GDAP1L1: variants seen among roughly 807,000 people sequenced by gnomAD.
GDAP1L1 encodes ganglioside induced differentiation associated protein 1 like 1.
GDAP1L1 carries 21 observed loss-of-function variants against 37.1 expected under a neutral mutation model. That is an observed-to-expected ratio of 0.57 (90% CI 0.40 to 0.81). The LOEUF is 0.81. Ranked by LOEUF, GDAP1L1 falls within the 40% of genes least tolerant of loss-of-function variation. The pLI is 0.00. For missense variants in GDAP1L1, 362 were observed against 491.6 expected, an observed-to-expected ratio of 0.74 and a Z score of 2.49; for synonymous variants, 193 against 209.1, an observed-to-expected ratio of 0.92 and a Z score of 0.67.
chr20:44,258,381 C>T, intron 2 of GDAP1L1, 53 bp from the exon 3 acceptor site: 1 of 1,523,446 alleles, frequency 6.6e-7, no homozygotes, highest in Non-Finnish European at 8.9e-7. Flanking sequence ...GGGCAGGTGG[C>T]CGGGGCAGGT....
intron 5 of GDAP1L1, among the ~76,000 whole-genome samples, chr20:44,277,143 G>C (rs577242350): frequency 1.3e-5 from 2 of 152,322 alleles, no homozygotes; most frequent in Middle Eastern, 6.8e-3. Flanking sequence ...TCGTGCCTCA[G>C]CCTCCTGAGA....
Position 44,247,430 on chromosome 20 carries a change from C to T in GDAP1L1, c.96C>T (p.Asp32=), listed in dbSNP as rs892884979. 1 of 1,610,074 alleles carries T rather than the reference C, an allele frequency of 6.2e-7. No individual in the cohort carries two copies. The highest frequency in any genetic ancestry group is 8.5e-7 in the Non-Finnish European group (1 of 1,178,768). ...CGGCCAAGCCAGCGGAGGCCCCCGA[C>T]GCTCCCGAGGCGGCCAGCCCCGCCC... ...SDAAKPAEAP[D]APEAASPAHW... is the part of the protein sequence containing the mutation. Residue 32 remains aspartate (D), a synonymous_variant, in exon 1 of 6, where the codon GAC becomes GAT. Coordinates refer to ENST00000342560, the MANE Select transcript of GDAP1L1 (RefSeq NM_024034.6).
At chr20:44,247,623 G>A in intron 1 of GDAP1L1, 109 bp downstream of exon 1, 2 of 1,055,136 alleles carry the variant, frequency 1.9e-6, no homozygotes, top group South Asian at 3.5e-5. Flanking sequence ...GGGGAACCTG[G>A]GGTTTGGGGG....
rs529795834 is a variant in GDAP1L1, at chr20:44,269,416, G to C, written c.760+4857G>C. ...TTTGCAGTCTCCATGGGGCTGAGTT[G>C]TTCCGGTTTTATATTTGAGAGAATT... On this transcript the variant is annotated intron_variant, in intron 5 of 5. Coordinates refer to ENST00000342560, the MANE Select transcript of GDAP1L1 (RefSeq NM_024034.6). Among the ~76,000 whole-genome samples, 24 of 152,306 alleles carry C rather than the reference G, an allele frequency of 1.6e-4. 1 individual carries two copies. Among genetic ancestry groups the C allele is most frequent in the African/African-American group, 5.8e-4 (24 of 41,566 alleles).
intron 2 of GDAP1L1, among the ~76,000 whole-genome samples, chr20:44,257,901 C>T (rs2073591943): frequency 6.6e-6 from 1 of 151,980 alleles, no homozygotes; most frequent in Admixed American, 6.6e-5. Flanking sequence ...CCCAGAACCC[C>T]ATGGACAGGG....
In GDAP1L1 at chr20:44,276,168, C is replaced by CA. The variant is rs58388010; in HGVS notation, c.761-2774dup. On this transcript the variant is annotated intron_variant, in intron 5 of 5. Coordinates refer to ENST00000342560, the MANE Select transcript of GDAP1L1 (RefSeq NM_024034.6). ...AAAACCCCATCTCTAGTAAAAATAC[C>CA]AAAAAAAAAAAAAAATAATAGCCAG... 6.7e-3 allele frequency among the ~76,000 whole-genome samples: 926 copies of CA among 137,642 alleles called. 5 individuals are homozygous for CA. Among genetic ancestry groups the CA allele is most frequent in the African/African-American group, 0.018 (689 of 37,644 alleles). 90.3% of individuals were successfully genotyped at this position (137,642 alleles called of 152,430 possible).
At position 44,247,507 on chromosome 20, in the gene GDAP1L1, C is replaced by G. The variant is rs781177575; in HGVS notation, c.173C>G (p.Ser58Trp). Residue 58 changes from serine to tryptophan, a missense_variant, in exon 1 of 6, where the codon TCG (serine) becomes TGG (tryptophan). Ser to Trp is a radical substitution (Grantham distance 177). Around this residue, in one of 2 missense-constraint regions of GDAP1L1, gnomAD observed 277 missense variants for 337.1 expected, o/e 0.82. Coordinates refer to ENST00000342560, the MANE Select transcript of GDAP1L1 (RefSeq NM_024034.6). ...VLYHWTQSFS[S>W]QKVRLVIAEK... ...TACCACTGGACCCAGTCCTTCAGCT[C>G]GCAGAAGGTAGAGCCGGGCCGGGAG... 11 of 1,517,664 alleles carry G rather than the reference C, an allele frequency of 7.2e-6. No individual in the cohort carries two copies. Among genetic ancestry groups the G allele is most frequent in the Non-Finnish European group, 9.7e-6 (11 of 1,130,374 alleles). 94.0% of individuals were successfully genotyped at this position (1,517,664 alleles called of 1,614,324 possible).
chr20:44,278,155 A>G (rs1176274452), intron 5 of GDAP1L1, among the ~76,000 whole-genome samples: 1 of 76,102 alleles, frequency 1.3e-5, no homozygotes, highest in Non-Finnish European at 2.5e-5. Context: ...CTCCATCTCA[A>G]AAAAAAAAAA....
chr20:44,264,429 C>A lies in GDAP1L1; in HGVS notation c.646-16C>A. The A allele has an allele frequency of 6.8e-7, 1 of 1,467,258 alleles. No homozygotes were observed. Among genetic ancestry groups the A allele is most frequent in the South Asian group, 1.5e-5 (1 of 66,198 alleles). The allele number at this position is 1,467,258 out of a possible 1,614,324, so 90.9% of individuals were successfully genotyped here. A position where few individuals can be genotyped will look rare whatever the true frequency, so the allele number is the denominator to read the frequency against. On this transcript the variant is annotated splice_polypyrimidine_tract_variant and intron_variant, in intron 4 of 5. Coordinates refer to ENST00000342560, the MANE Select transcript of GDAP1L1 (RefSeq NM_024034.6). Reference sequence around the variant, plus strand: ...TGAGGCCAACTCAGCTTCTCTTGGCCCTGTCCTGCCCCCAGGCCAAGATCT... The same window carrying A: ...TGAGGCCAACTCAGCTTCTCTTGGCACTGTCCTGCCCCCAGGCCAAGATCT...
intron 1 of GDAP1L1, among the ~76,000 whole-genome samples, chr20:44,251,561 C>T (rs1299016925): frequency 6.6e-6 from 1 of 152,224 alleles, no homozygotes; most frequent in Admixed American, 6.5e-5. Flanking sequence ...CTTGTCCATG[C>T]TGCACTTGAC....
At chr20:44,256,213 A>C (rs1457673355) in intron 1 of GDAP1L1, among the ~76,000 whole-genome samples, 6 of 152,050 alleles carry the variant, frequency 3.9e-5, no homozygotes, top group Admixed American at 1.3e-4. Context: ...AAATGGGGAG[A>C]TACTGTTCTA....
chr20:44,272,848 C>T (rs2062534061), intron 5 of GDAP1L1, among the ~76,000 whole-genome samples: 1 of 152,228 alleles, frequency 6.6e-6, no homozygotes, highest in African/African-American at 2.4e-5. Flanking sequence ...GGTAATCCCA[C>T]ACCACGTGGA....
At chr20:44,253,348 A>G (rs959691230) in intron 1 of GDAP1L1, among the ~76,000 whole-genome samples, 1 of 152,266 alleles carries the variant, frequency 6.6e-6, no homozygotes, top group African/African-American at 2.4e-5. Context: ...GTGTTATGTT[A>G]AAAAGCCATT....
At chr20:44,264,847 C>A (rs193072687) in intron 5 of GDAP1L1, 1 of 1,149,778 alleles carries the variant, frequency 8.7e-7, no homozygotes, top group South Asian at 1.8e-5. Context: ...AAATAATACA[C>A]GTAGAGTGCT....
In GDAP1L1 at chr20:44,279,943, A is replaced by G; in HGVS notation, c.*643A>G. 1 of 365,950 alleles carries G rather than the reference A, an allele frequency of 2.7e-6. No homozygotes were observed. Among genetic ancestry groups the G allele is most frequent in the Non-Finnish European group, 5.4e-6 (1 of 185,112 alleles). The allele number at this position is 365,950 out of a possible 1,614,324, so 22.7% of individuals were successfully genotyped here. A position where few individuals can be genotyped will look rare whatever the true frequency, so the allele number is the denominator to read the frequency against. ...AGCACACCCTCTCATTGTCCTTCTG[A>G]TTTGGTCCATGTGTTGGGTTTGGCC... On this transcript the variant is annotated 3_prime_UTR_variant, in exon 6 of 6. Transcript: ENST00000342560.
At chr20:44,260,036 A>G (rs1400513553) in intron 3 of GDAP1L1, among the ~76,000 whole-genome samples, 1 of 152,196 alleles carries the variant, frequency 6.6e-6, no homozygotes, top group Non-Finnish European at 1.5e-5. Flanking sequence ...GAAAGCCCAC[A>G]TCTTGGAGAT....
chr20:44,275,531 A>C (rs1437961740), intron 5 of GDAP1L1, among the ~76,000 whole-genome samples: 1 of 152,154 alleles, frequency 6.6e-6, no homozygotes, highest in Non-Finnish European at 1.5e-5. Context: ...AGGGGAGAGC[A>C]TTCCGGGCAT....
Position 44,279,101 on chromosome 20 carries a change from T to C in GDAP1L1, c.905T>C (p.Phe302Ser), listed in dbSNP as rs1237780625. 1.2e-6 allele frequency: 2 copies of C among 1,614,134 alleles called. No homozygotes were observed. The highest frequency in any genetic ancestry group is 1.7e-6 in the Non-Finnish European group (2 of 1,180,008). Residue 302 changes from phenylalanine (F) to serine (S), a missense_variant, in exon 6 of 6, where the codon TTT becomes TCT. Phe to Ser is a radical substitution (Grantham distance 155, BLOSUM62 -2). Transcript: ENST00000342560. Reference sequence around the variant, plus strand: ...AGCCGGCCCAACCTGCAGTCCTTCTTTGAGAGGGTCCAGAGACGCTTTGCC... The same window carrying C: ...AGCCGGCCCAACCTGCAGTCCTTCTCTGAGAGGGTCCAGAGACGCTTTGCC... Reference protein sequence around the residue: ...DGSRPNLQSFFERVQRRFAFR... With the variant: ...DGSRPNLQSFSERVQRRFAFR...
chr20:44,265,279 G>A (rs887506973), intron 5 of GDAP1L1: 1 of 985,184 alleles, frequency 1.0e-6, no homozygotes, highest in South Asian at 4.7e-5. Flanking sequence ...TGCTCCCACA[G>A]CCCCTCCCTC....
Sources: allele counts gnomAD v4.1 joint callset (sites outside exome capture counted in the v4.1 genomes callset), GRCh38; gene constraint gnomAD v4.1.1; regional missense constraint gnomAD v4.1.1; transcripts MANE v1.5; gene names NCBI Gene and HGNC (gene_info 2026-07-23, HGNC 2026-07-21).